Variants in ENTHD1 observed in about 807,000 individuals in gnomAD.
ENTHD1 encodes ENTH domain containing 1.
A neutral mutation model predicts 39.1 loss-of-function variants in ENTHD1; 23 were observed. The ratio of observed to expected loss-of-function variants is 0.59; its 90% CI spans 0.42 to 0.83. The LOEUF (loss-of-function observed/expected upper bound fraction) is 0.83, where lower values mean the gene tolerates loss of function less well. Ranked by LOEUF, ENTHD1 falls within the 40% of genes least tolerant of loss-of-function variation. ENTHD1 has a pLI of 0.00. For synonymous variants in ENTHD1, 230 were observed against 258.2 expected, an observed-to-expected ratio of 0.89 and a Z score of 1.05; for missense variants, 624 against 705.4, an observed-to-expected ratio of 0.88 and a Z score of 1.31.
At chr22:39,850,742 A>G (rs2066029189) in intron 3 of ENTHD1, among the ~76,000 whole-genome samples, 1 of 152,170 alleles carries the variant, frequency 6.6e-6, no homozygotes, top group Non-Finnish European at 1.5e-5. Flanking sequence ...TTAAAAGTTT[A>G]CAGTCAAAGA....
At chr22:39,822,199 T>C (rs964535086) in intron 4 of ENTHD1, among the ~76,000 whole-genome samples, 2 of 152,090 alleles carry the variant, frequency 1.3e-5, no homozygotes, top group East Asian at 3.8e-4. Context: ...ATGTCTTTTT[T>C]TTTTTCTGTG....
chr22:39,782,579 C>A (rs1267916209), intron 5 of ENTHD1, among the ~76,000 whole-genome samples: 1 of 151,952 alleles, frequency 6.6e-6, no homozygotes. Context: ...ACTAATAAAC[C>A]CAATTCAGCA....
chr22:39,891,109 C>T (rs1475727056), intron 1 of ENTHD1, among the ~76,000 whole-genome samples: 1 of 152,218 alleles, frequency 6.6e-6, no homozygotes, highest in Non-Finnish European at 1.5e-5. Flanking sequence ...GGCTACCCAA[C>T]TCACTATAAT....
intron 6 of ENTHD1, among the ~76,000 whole-genome samples, chr22:39,763,253 A>T (rs1048724832): frequency 1.1e-4 from 16 of 152,120 alleles, no homozygotes; most frequent in African/African-American, 3.9e-4. Context: ...TATCATCAGA[A>T]TCATCAGAAT....
chr22:39,777,098 T>C (rs2065371165), intron 5 of ENTHD1, among the ~76,000 whole-genome samples: 1 of 152,178 alleles, frequency 6.6e-6, no homozygotes, highest in Non-Finnish European at 1.5e-5. Flanking sequence ...TAAAAATGTG[T>C]AACTGAAGGA....
intron 5 of ENTHD1, among the ~76,000 whole-genome samples, chr22:39,812,730 G>C (rs1445996986): frequency 6.6e-6 from 1 of 152,148 alleles, no homozygotes; most frequent in Non-Finnish European, 1.5e-5. Context: ...TCACTAGCAG[G>C]GAAAACAGCC....
At chr22:39,756,316 T>TCTCTCACACACACA (rs1433242336) in intron 6 of ENTHD1, among the ~76,000 whole-genome samples, 14 of 138,096 alleles carry the variant, frequency 1.0e-4, no homozygotes, top group African/African-American at 3.6e-4. Context: ...TCTCTCTCTC[T>TCTCTCACACACACA]CACACACACA....
At chr22:39,749,764 GGACCGGT>G (rs2065134363) in intron 6 of ENTHD1, among the ~76,000 whole-genome samples, 2 of 152,204 alleles carry the variant, frequency 1.3e-5, no homozygotes, top group South Asian at 4.1e-4. Context: ...CCTGTCCTCG[GGACCGGT>G]GATAGGTTAG....
At chr22:39,799,323 G>A (rs938691990) in intron 5 of ENTHD1, among the ~76,000 whole-genome samples, 1 of 152,160 alleles carries the variant, frequency 6.6e-6, no homozygotes, top group Non-Finnish European at 1.5e-5. Context: ...GGCTTGTTTT[G>A]TGCCATGGGC....
intron 2 of ENTHD1, among the ~76,000 whole-genome samples, chr22:39,880,922 GATT>G (rs895629544): frequency 2.0e-5 from 3 of 152,180 alleles, no homozygotes; most frequent in Non-Finnish European, 2.9e-5. Context: ...AAAATGCTTA[GATT>G]GCAATCTTGA....
At chr22:39,845,039 T>A (rs193195782) in intron 3 of ENTHD1, among the ~76,000 whole-genome samples, 11 of 148,842 alleles carry the variant, frequency 7.4e-5, no homozygotes, top group Non-Finnish European at 1.5e-4. Flanking sequence ...AGACCATACA[T>A]GGCCTCAGCT....
At chr22:39,846,250 G>A (rs771393051) in intron 3 of ENTHD1, among the ~76,000 whole-genome samples, 1 of 152,170 alleles carries the variant, frequency 6.6e-6, no homozygotes, top group Non-Finnish European at 1.5e-5. Flanking sequence ...ACCCAGATTA[G>A]AGTGCAGTGG....
chr22:39,753,676 G>C (rs1414058142), intron 6 of ENTHD1, among the ~76,000 whole-genome samples: 1 of 152,088 alleles, frequency 6.6e-6, no homozygotes, highest in African/African-American at 2.4e-5. Flanking sequence ...CCATCACCCT[G>C]AGTGACGCCA....
At chr22:39,879,075 A>ACGAAGAAT (rs1244028021) in intron 2 of ENTHD1, among the ~76,000 whole-genome samples, 2 of 152,132 alleles carry the variant, frequency 1.3e-5, no homozygotes, top group Non-Finnish European at 2.9e-5. Context: ...AAGGAGTGTT[A>ACGAAGAAT]TCTGAAATAT....
chr22:39,873,873 A>G (rs897558318), intron 2 of ENTHD1, among the ~76,000 whole-genome samples: 1 of 152,216 alleles, frequency 6.6e-6, no homozygotes, highest in Admixed American at 6.5e-5. Context: ...CTGACAAGGT[A>G]AAAAAGGCAT....
intron 5 of ENTHD1, among the ~76,000 whole-genome samples, chr22:39,796,801 C>T (rs2065553751): frequency 6.6e-6 from 1 of 152,110 alleles, no homozygotes; most frequent in Non-Finnish European, 1.5e-5. Context: ...ATTATCTGTT[C>T]TAAAGAATGT....
At chr22:39,819,507 A>G (rs1228056207) in intron 5 of ENTHD1, among the ~76,000 whole-genome samples, 1 of 152,162 alleles carries the variant, frequency 6.6e-6, no homozygotes, top group Non-Finnish European at 1.5e-5. Context: ...CATACATACC[A>G]TCTGATTCCA....
intron 5 of ENTHD1, among the ~76,000 whole-genome samples, chr22:39,784,250 C>A (rs2065435838): frequency 6.6e-6 from 1 of 151,898 alleles, no homozygotes; most frequent in South Asian, 2.1e-4. Flanking sequence ...CAGTAATGAG[C>A]GCTGGTGAGA....
chr22:39,744,075 GC>G lies in ENTHD1; in HGVS notation c.1427del (p.Gly476AlafsTer7), dbSNP rs780907956. The G allele has an allele frequency of 7.4e-6, 12 of 1,614,124 alleles. No homozygotes were observed. The highest frequency in any genetic ancestry group is 1.0e-5 in the Non-Finnish European group (12 of 1,180,000). On this transcript the variant is annotated frameshift_variant, in exon 7 of 7. Transcript: ENST00000325157. LOFTEE classifies it low-confidence loss of function (END_TRUNC). ...TTTCCTCTACATCAGAAGACACTGG[GC>G]CCCTAGAAGCAAAGGAGTGATGCAG... is the stretch of plus-strand genomic sequence containing the variant. Reference protein sequence around the residue: ...AKLHHSFASRGPVSSDVEEND... With the variant: ...AKLHHSFASRXPVSSDVEEND...
Sources: allele counts gnomAD v4.1 joint callset (sites outside exome capture counted in the v4.1 genomes callset), GRCh38; gene constraint gnomAD v4.1.1; transcripts MANE v1.5; gene names NCBI Gene and HGNC (gene_info 2026-07-23, HGNC 2026-07-21).